TMEM17: variants seen among roughly 807,000 people sequenced by gnomAD.
The protein encoded by TMEM17 is transmembrane protein 17.
Under a neutral mutation model 19.1 loss-of-function variants are expected in TMEM17, and 15 were observed. That is an observed-to-expected ratio of 0.78 (90% confidence interval 0.52 to 1.21). The LOEUF (loss-of-function observed/expected upper bound fraction) is 1.21. TMEM17 is among the 50% of genes most tolerant of loss of function. The probability of loss-of-function intolerance (pLI) is 0.00; values close to 1 mark genes in which losing one functional copy is unlikely to be tolerated. For missense variants in TMEM17, 245 were observed against 242.3 expected (o/e 1.01, Z -0.07); for synonymous variants, 103 against 86.9 (o/e 1.19, Z -1.03).
the TMEM17 span, among the ~76,000 whole-genome samples, chr2:62,483,084 C>T: frequency 6.6e-6 from 1 of 152,226 alleles, no homozygotes; most frequent in Non-Finnish European, 1.5e-5. Context: ...GGTTAAGTGA[C>T]TTGCCCAAGG....
At chr2:62,493,439 A>G in the TMEM17 span, among the ~76,000 whole-genome samples, 4 of 152,210 alleles carry the variant, frequency 2.6e-5, no homozygotes, top group Admixed American at 6.5e-5. Context: ...TTGAGGAGAC[A>G]TTACTACAAC....
the TMEM17 span, among the ~76,000 whole-genome samples, chr2:62,474,868 C>T: frequency 5.3e-5 from 8 of 152,124 alleles, no homozygotes; most frequent in African/African-American, 1.9e-4. Context: ...TGCAAATAGG[C>T]TTTTGAAATA....
chr2:62,497,443 C>T (rs1428152727), downstream of TMEM17, among the ~76,000 whole-genome samples: 2 of 152,234 alleles, frequency 1.3e-5, no homozygotes, highest in Non-Finnish European at 2.9e-5. Context: ...ATGTACCCTT[C>T]CCACTAGCCT....
chr2:62,466,118 C>T, the TMEM17 span, among the ~76,000 whole-genome samples: 1 of 152,076 alleles, frequency 6.6e-6, no homozygotes, highest in East Asian at 1.9e-4. Flanking sequence ...TGATAAAGGA[C>T]AAAGGATCTG....
the TMEM17 span, among the ~76,000 whole-genome samples, chr2:62,483,461 A>G: frequency 1.3e-5 from 2 of 152,210 alleles, no homozygotes; most frequent in African/African-American, 2.4e-5. Flanking sequence ...TATGCCTGTC[A>G]TTTGCATTCT....
the TMEM17 span, among the ~76,000 whole-genome samples, chr2:62,470,643 T>C: frequency 9.9e-5 from 15 of 151,996 alleles, no homozygotes; most frequent in East Asian, 2.9e-3. Flanking sequence ...GGGGGTGGGG[T>C]CCACCTTGAA....
the TMEM17 span, among the ~76,000 whole-genome samples, chr2:62,475,639 C>T: frequency 2.0e-5 from 3 of 152,368 alleles, no homozygotes; most frequent in South Asian, 2.1e-4. Context: ...TTCTCAGAGC[C>T]TGTCAATTGT....
chr2:62,503,166 A>C (rs749148281), intron 1 of TMEM17, among the ~76,000 whole-genome samples: 9 of 152,220 alleles, frequency 5.9e-5, no homozygotes, highest in Non-Finnish European at 1.2e-4. Context: ...TTAATGCATA[A>C]AATAAATAAA....
At chr2:62,498,705 G>C (rs2103723419), downstream of TMEM17, among the ~76,000 whole-genome samples, 2 of 142,152 alleles carry the variant, frequency 1.4e-5, no homozygotes, top group South Asian at 4.3e-4. Flanking sequence ...GACAGAGCGA[G>C]ACTCCGTCTC....
At chr2:62,482,857 G>A in the TMEM17 span, among the ~76,000 whole-genome samples, 3 of 152,294 alleles carry the variant, frequency 2.0e-5, no homozygotes, top group African/African-American at 7.2e-5. Context: ...CTTTATATTT[G>A]CTGAAGCTAG....
At position 62,502,527 on chromosome 2, in the gene TMEM17, G is replaced by T; in HGVS notation, c.228C>A (p.Tyr76Ter). Residue 76 changes from tyrosine (Y) to a stop codon, truncating the protein, a stop_gained, in exon 3 of 4, where the codon TAC becomes TAA. Transcript: ENST00000335390. LOFTEE classifies it high-confidence loss of function. ...TGATAACAGTGATCACAATGAATTTGTAGTAGTCAGGTAAGATTGAATACT... is the reference window on the plus strand; with the variant it reads ...TGATAACAGTGATCACAATGAATTTTTAGTAGTCAGGTAAGATTGAATACT... Reference protein sequence around the residue: ...HMKYSILPDYYKFIVITVIIL... With the variant: ...HMKYSILPDY The T allele has an allele frequency of 6.2e-7, 1 of 1,609,738 alleles. No individual in the cohort carries two copies. Among genetic ancestry groups the T allele is most frequent in the Non-Finnish European group, 8.5e-7 (1 of 1,177,040 alleles).
At chr2:62,463,223 A>G in the TMEM17 span, 1 of 152,204 alleles carries the variant, frequency 6.6e-6, no homozygotes, top group Non-Finnish European at 1.5e-5. Flanking sequence ...GAGACAGTAT[A>G]TAGTTCATTT....
chr2:62,460,148 C>T, the TMEM17 span, among the ~76,000 whole-genome samples: 5 of 152,206 alleles, frequency 3.3e-5, no homozygotes, highest in African/African-American at 7.2e-5. Flanking sequence ...GGCCAAGGTA[C>T]TGTGTACTCT....
chr2:62,488,465 C>G, the TMEM17 span, among the ~76,000 whole-genome samples: 2 of 137,380 alleles, frequency 1.5e-5, no homozygotes, highest in Non-Finnish European at 3.1e-5. Flanking sequence ...TATGGACAAA[C>G]TTTTTTTTTA....
the TMEM17 span, among the ~76,000 whole-genome samples, chr2:62,471,932 A>G: frequency 6.6e-6 from 1 of 152,246 alleles, no homozygotes; most frequent in East Asian, 1.9e-4. Context: ...GGCCCCATTA[A>G]CGTGCCTTTA....
chr2:62,499,659 A>G (rs1168188121), downstream of TMEM17, among the ~76,000 whole-genome samples: 1 of 152,220 alleles, frequency 6.6e-6, no homozygotes, highest in Non-Finnish European at 1.5e-5. Flanking sequence ...AACAACAATG[A>G]ATAAGGCAAA....
At chr2:62,459,829 CA>C in the TMEM17 span, among the ~76,000 whole-genome samples, 1 of 152,314 alleles carries the variant, frequency 6.6e-6, no homozygotes, top group South Asian at 2.1e-4. Context: ...TTGCTGTTCA[CA>C]GGTGTGATCA....
chr2:62,495,211 C>A, the TMEM17 span, among the ~76,000 whole-genome samples: 1 of 152,162 alleles, frequency 6.6e-6, no homozygotes, highest in African/African-American at 2.4e-5. Context: ...TTTGGCTTTT[C>A]ATAGAATATA....
the TMEM17 span, among the ~76,000 whole-genome samples, chr2:62,461,752 T>C: frequency 6.6e-6 from 1 of 152,170 alleles, no homozygotes; most frequent in East Asian, 1.9e-4. Flanking sequence ...TCCCGGTGAT[T>C]CAGACTGAAA....
Sources: allele counts gnomAD v4.1 joint callset (sites outside exome capture counted in the v4.1 genomes callset), GRCh38; gene constraint gnomAD v4.1.1; transcripts MANE v1.5; gene names NCBI Gene and HGNC (gene_info 2026-07-23, HGNC 2026-07-21).